Variants in TSC2 observed in about 807,000 individuals in gnomAD.
The protein encoded by TSC2 is TSC complex subunit 2, also known as tuberin.
In TSC2, 29 loss-of-function variants were observed where a neutral mutation model predicts 202.2. The observed-to-expected ratio is 0.14, with a 90% confidence interval of 0.11 to 0.20. TSC2 has a LOEUF of 0.20. Among genes scored for constraint, TSC2 ranks in the 10% least tolerant of loss-of-function variants. The probability of loss-of-function intolerance (pLI) is 1.00; values close to 1 mark genes in which losing one functional copy is unlikely to be tolerated. For missense variants in TSC2, 2,429 were observed against 2,420.0 expected (o/e 1.00, Z -0.08); for synonymous variants, 1,349 against 1,044.0 (o/e 1.29, Z -5.63).
In TSC2 at chr16:2,062,505, C is replaced by T. The variant is rs1476279884; in HGVS notation, c.1266C>T (p.Ser422=). 2 of 1,610,198 alleles carry T rather than the reference C, an allele frequency of 1.2e-6. No homozygotes were observed. The highest frequency in any genetic ancestry group is 1.7e-6 in the Non-Finnish European group (2 of 1,178,140). ...GGCTCTTCTTTTGACAGGAGTCCTCCCTCCTGAACCTGATCTCCTATAGAG... is the reference window on the plus strand; with the variant it reads ...GGCTCTTCTTTTGACAGGAGTCCTCTCTCCTGAACCTGATCTCCTATAGAG... ...ERCADQRPES[S]LLNLISYRAQ... Residue 422 remains serine, a synonymous_variant, in exon 13 of 42, where the codon TCC becomes TCT. Transcript: ENST00000219476.
chr16:2,086,236 A>C lies in TSC2; in HGVS notation c.4706A>C (p.Tyr1569Ser), dbSNP rs2090771064. The C allele has an allele frequency of 6.2e-7, 1 of 1,612,658 alleles. No individual in the cohort carries two copies. Among genetic ancestry groups the C allele is most frequent in the Non-Finnish European group, 8.5e-7 (1 of 1,179,918 alleles). Residue 1569 changes from tyrosine (Y) to serine (S), a missense_variant, in exon 37 of 42, where the codon TAC becomes TCC. Transcript: ENST00000219476. ...LAILSNEHGS[Y>S]RYTEFLTGLG... Reference sequence around the variant, plus strand: ...ATCCTGTCCAATGAGCATGGCTCCTACAGGTACACGGAGTTCCTGACGGGC... The same window carrying C: ...ATCCTGTCCAATGAGCATGGCTCCTCCAGGTACACGGAGTTCCTGACGGGC...
intron 13 of TSC2, 140 bp from the exon 14 acceptor site, chr16:2,062,832 C>A: frequency 9.6e-7 from 1 of 1,037,690 alleles, no homozygotes; most frequent in Non-Finnish European, 1.4e-6. Context: ...AGAGATGCTC[C>A]CTGGGAAGCA....
In TSC2 at chr16:2,050,112, C is replaced by T. The variant is rs564210581; in HGVS notation, c.139-288C>T. Reference sequence around the variant, plus strand: ...CTGGGATTATAGACGCCCACCACCACGCCCAGCAAATTTTTTGTATTTTTA... The same window carrying T: ...CTGGGATTATAGACGCCCACCACCATGCCCAGCAAATTTTTTGTATTTTTA... On this transcript the variant is annotated intron_variant, in intron 2 of 41. Coordinates refer to ENST00000219476, the MANE Select transcript of TSC2 (RefSeq NM_000548.5). Among the ~76,000 whole-genome samples, 21 of 152,118 alleles carry T rather than the reference C, an allele frequency of 1.4e-4. No homozygotes were observed. In the East Asian group the frequency reaches 3.5e-3, roughly 26 times the overall value.
At chr16:2,068,190 C>T (rs1273711170) in intron 16 of TSC2, among the ~76,000 whole-genome samples, 1 of 152,166 alleles carries the variant, frequency 6.6e-6, no homozygotes, top group Non-Finnish European at 1.5e-5. Flanking sequence ...CAGGTGCGCA[C>T]CACCACACCT....
rs1567464805 is a variant in TSC2 at position 2,071,870 on chromosome 16, C to A, written c.2033C>A (p.Ala678Asp). ...GPPGPAPAGP[A>D]VRLGSVPYSL... The stretch of plus-strand genomic sequence containing the variant: ...CCTGGCCCGGCGCCTGCAGGCCCCG[C>A]CGTGCGGCTGGGGTCCGTGCCCTAC... The change falls in exon 19 of 42, where the codon GCC becomes GAC. Residue 678 changes from alanine (A) to aspartate (D), a missense_variant. Coordinates refer to ENST00000219476, the MANE Select transcript of TSC2 (RefSeq NM_000548.5). The A allele has an allele frequency of 3.1e-6, 5 of 1,594,868 alleles. No homozygotes were observed. Among genetic ancestry groups the A allele is most frequent in the Non-Finnish European group, 4.3e-6 (5 of 1,171,418 alleles).
chr16:2,078,752 G>A (rs1567494531), intron 26 of TSC2: 1 of 515,058 alleles, frequency 1.9e-6, no homozygotes, highest in Non-Finnish European at 3.5e-6. Context: ...CCGTAACCTA[G>A]TGCTCCCGTG....
At chr16:2,073,451 C>T (rs1015966584) in intron 21 of TSC2, among the ~76,000 whole-genome samples, 14 of 152,258 alleles carry the variant, frequency 9.2e-5, no homozygotes, top group African/African-American at 3.4e-4. Context: ...TTTGACATGG[C>T]CCTCCGGGAC....
chr16:2,082,631 G>T, intron 32 of TSC2, 127 bp downstream of exon 32: 1 of 1,047,548 alleles, frequency 9.5e-7, no homozygotes, highest in South Asian at 1.3e-5. Context: ...AGCAGGTCCC[G>T]ACTCGCATGA....
rs2151639594 is a variant in TSC2 at position 2,088,502 on chromosome 16, C to G, written c.5316C>G (p.Ser1772=). The G allele has an allele frequency of 6.2e-7, 1 of 1,612,882 alleles. No individual in the cohort carries two copies. ...GCCTACCTCTGGTGCACCCTCCGTC[C>G]CATAGCAAAGCCCCTGCACAGACTC... ...NPSLPLVHPP[S]HSKAPAQTPA... The change falls in exon 42 of 42, where the codon TCC becomes TCG. Residue 1772 remains serine (S), a synonymous_variant. Transcript: ENST00000219476.
At chr16:2,082,105 G>T (rs1459935259) in intron 31 of TSC2, 1 of 589,474 alleles carries the variant, frequency 1.7e-6, no homozygotes, top group Non-Finnish European at 3.0e-6. Context: ...CTCCCTCCCT[G>T]CCTGGGCCCA....
chr16:2,083,501 T>G (rs1348313096), intron 32 of TSC2, 194 bp from the exon 33 acceptor site: 7 of 929,464 alleles, frequency 7.5e-6, no homozygotes, highest in South Asian at 7.1e-5. Context: ...AGGAGAGGCC[T>G]GTGTCGGGGT....
Position 2,084,454 on chromosome 16 carries a change from G to A in TSC2, c.4232G>A (p.Ser1411Asn), listed in dbSNP as rs1267811475. Reference sequence around the variant, plus strand: ...GACAAGGCCGACGTGGGCCGGCTGAGCCCTGAGGTTAAGGCCCGGTCACAG... The same window carrying A: ...GACAAGGCCGACGTGGGCCGGCTGAACCCTGAGGTTAAGGCCCGGTCACAG... ...PGDKADVGRL[S>N]PEVKARSQSG... Residue 1411 changes from serine to asparagine, a missense_variant, in exon 34 of 42, where the codon AGC becomes AAC. Ser to Asn is a conservative substitution (Grantham distance 46). Coordinates refer to ENST00000219476, the MANE Select transcript of TSC2 (RefSeq NM_000548.5). 1 of 1,609,258 alleles carries A rather than the reference G, an allele frequency of 6.2e-7. No individual in the cohort carries two copies. Among genetic ancestry groups the A allele is most frequent in the African/African-American group, 1.3e-5 (1 of 74,814 alleles).
intron 11 of TSC2, chr16:2,061,490 C>T: frequency 2.7e-6 from 1 of 371,744 alleles, no homozygotes; most frequent in Non-Finnish European, 5.2e-6. Flanking sequence ...GCAAGAAAGG[C>T]TTGTAGTTGT....
At chr16:2,074,550 T>C (rs2088986278) in intron 22 of TSC2, 161 bp downstream of exon 22, 1 of 873,406 alleles carries the variant, frequency 1.1e-6, no homozygotes, top group Non-Finnish European at 1.8e-6. Flanking sequence ...CCATGAGTGC[T>C]CTCCTTCCTG....
intron 32 of TSC2, chr16:2,083,185 A>G (rs996966479): frequency 1.1e-5 from 5 of 457,620 alleles, no homozygotes; most frequent in African/African-American, 8.0e-5. Context: ...GGCACAGGAA[A>G]TGCTGCTTTG....
intron 20 of TSC2, chr16:2,072,630 TG>T: frequency 1.2e-6 from 1 of 824,274 alleles, no homozygotes; most frequent in Non-Finnish European, 1.9e-6. Context: ...TTTTCCTAAG[TG>T]GGGCTCCCGT....
rs45473598 is a variant in TSC2 at position 2,055,406 on chromosome 16, C to G, written c.486C>G (p.Asp162Glu). The change falls in exon 6 of 42, where the codon GAC becomes GAG. Residue 162 changes from aspartate to glutamate, a missense_variant. By Grantham distance (45) the Asp-to-Glu change is conservative. Transcript: ENST00000219476. ...HITYLEEELADFVLQWMDVGL... is the reference protein window; with the variant it reads ...HITYLEEELAEFVLQWMDVGL... ...CTGCCGCCGCTTCTCCCCCAGCTGA[C>G]TTTGTCCTGCAGTGGATGGATGTTG... The G allele has an allele frequency of 6.2e-7, 1 of 1,614,146 alleles. No individual in the cohort carries two copies. The highest frequency in any genetic ancestry group is 8.5e-7 in the Non-Finnish European group (1 of 1,179,994).
chr16:2,078,708 CCT>C (rs1487832391), intron 26 of TSC2: 2 of 422,462 alleles, frequency 4.7e-6, no homozygotes, highest in Non-Finnish European at 8.9e-6. Context: ...GTGGCCTCCG[CCT>C]CTCTGCATGA....
chr16:2,079,294 C>T lies in TSC2; in HGVS notation c.3150C>T (p.Phe1050=), dbSNP rs1060504105. ...CTTCTAGGTCTCCTGTGGGCGAGTT[C>T]CTCCTAGCGGGTGGCAGGACCAAAA... is the stretch of plus-strand genomic sequence containing the variant. ...AVPKRSPVGE[F]LLAGGRTKTW... Residue 1050 remains phenylalanine (F), a synonymous_variant, in exon 28 of 42, where the codon TTC becomes TTT. Coordinates refer to ENST00000219476, the MANE Select transcript of TSC2 (RefSeq NM_000548.5). The surrounding 1 kb of genome is among the most constrained non-coding windows in gnomAD (Gnocchi z 4.6). 3 of 1,612,874 alleles carry T rather than the reference C, an allele frequency of 1.9e-6. No individual in the cohort carries two copies. In the African/African-American group the frequency reaches 4.0e-5, roughly 22 times the overall value.
Sources: allele counts gnomAD v4.1 joint callset (sites outside exome capture counted in the v4.1 genomes callset), GRCh38; gene constraint gnomAD v4.1.1; non-coding constraint Gnocchi (gnomAD v3.1); transcripts MANE v1.5; gene names NCBI Gene and HGNC (gene_info 2026-07-23, HGNC 2026-07-21).